The following TLR4 variants were observed in gnomAD, a reference collection of about 807,000 sequenced individuals.
The protein encoded by TLR4 is toll like receptor 4.
In TLR4, 17 loss-of-function variants were observed where a neutral mutation model predicts 27.4. The observed-to-expected ratio is 0.62, with a 90% confidence interval of 0.42 to 0.93. The LOEUF (loss-of-function observed/expected upper bound fraction) is 0.93, where lower values mean the gene tolerates loss of function less well. Among genes scored for constraint, TLR4 ranks in the 40% least tolerant of loss-of-function variants. TLR4 has a pLI of 0.00. For synonymous variants in TLR4, 363 were observed against 365.7 expected, an observed-to-expected ratio of 0.99 and a Z score of 0.08; for missense variants, 926 against 962.3, an observed-to-expected ratio of 0.96 and a Z score of 0.50.
rs1004437933 is a variant in TLR4, at chr9:117,722,219, A to G, written c.*7571A>G. 3.9e-5 allele frequency: 6 copies of G among 152,214 alleles called. No individual in the cohort carries two copies. Among genetic ancestry groups the G allele is most frequent in the Non-Finnish European group, 7.3e-5 (5 of 68,044 alleles). 9.4% of individuals were successfully genotyped at this position (152,214 alleles called of 1,614,324 possible). On this transcript the variant is annotated 3_prime_UTR_variant, in exon 3 of 3. Coordinates refer to ENST00000355622, the MANE Select transcript of TLR4 (RefSeq NM_138554.5). The stretch of plus-strand genomic sequence containing the variant: ...AAGTATTCATCTTGCCTTGAGTACT[A>G]AGATTCCAAAAATGACTTTCCCCTC...
chr9:117,714,034 G>T lies in TLR4; in HGVS notation c.1906G>T (p.Val636Leu). The T allele has an allele frequency of 6.2e-7, 1 of 1,613,948 alleles. No individual in the cohort carries two copies. The highest frequency in any genetic ancestry group is 1.1e-5 in the South Asian group (1 of 91,066). Residue 636 changes from valine to leucine, a missense_variant, in exon 3 of 3, where the codon GTG becomes TTG. Coordinates refer to ENST00000355622, the MANE Select transcript of TLR4 (RefSeq NM_138554.5). ...TCAGATGAATAAGACCATCATTGGT[G>T]TGTCGGTCCTCAGTGTGCTTGTAGT... ...TCQMNKTIIGVSVLSVLVVSV... is the reference protein window; with the variant it reads ...TCQMNKTIIGLSVLSVLVVSV...
chr9:117,712,479 A>G lies in TLR4; in HGVS notation c.351A>G (p.Leu117=), dbSNP rs572484616. 6.2e-7 allele frequency: 1 copy of G among 1,613,892 alleles called. No homozygotes were observed. The highest frequency in any genetic ancestry group is 2.2e-5 in the East Asian group (1 of 44,862). The change falls in exon 3 of 3, where the codon TTA becomes TTG. Residue 117 remains leucine, a synonymous_variant. Transcript: ENST00000355622. The part of the protein sequence containing the change: ...LILTGNPIQS[L]ALGAFSGLSS... ...TGACAGGAAACCCCATCCAGAGTTT[A>G]GCCCTGGGAGCCTTTTCTGGACTAT...
Position 117,720,987 on chromosome 9 carries a change from TAA to T in TLR4, c.*6345_*6346del. ...GAGACACTATATAAAAATATAGAGT[TAA>T]AAAAACTATTTAAAAAAAAGACAAC... On this transcript the variant is annotated 3_prime_UTR_variant, in exon 3 of 3. Coordinates refer to ENST00000355622, the MANE Select transcript of TLR4 (RefSeq NM_138554.5). 1 of 152,282 alleles carries T rather than the reference TAA, an allele frequency of 6.6e-6. No individual in the cohort carries two copies. The highest frequency in any genetic ancestry group is 3.4e-3 in the Middle Eastern group (1 of 294). The allele number at this position is 152,282 out of a possible 1,614,324, so 9.4% of individuals were successfully genotyped here.
At position 117,713,795 on chromosome 9, in the gene TLR4, T is replaced by C; in HGVS notation, c.1667T>C (p.Ile556Thr). Residue 556 changes from isoleucine (I) to threonine (T), a missense_variant, in exon 3 of 3, where the codon ATA becomes ACA. Coordinates refer to ENST00000355622, the MANE Select transcript of TLR4 (RefSeq NM_138554.5). ...GTTCTTGATTACAGTCTCAATCACA[T>C]AATGACTTCCAAAAAACAGGAACTA... ...LQVLDYSLNH[I>T]MTSKKQELQH... 6.2e-7 allele frequency: 1 copy of C among 1,614,002 alleles called. No homozygotes were observed. The highest frequency in any genetic ancestry group is 8.5e-7 in the Non-Finnish European group (1 of 1,179,988).
chr9:117,707,859 T>C (rs1829161095), intron 1 of TLR4: 1 of 152,266 alleles, frequency 6.6e-6, no homozygotes, highest in African/African-American at 2.4e-5. Context: ...CCCAATGATA[T>C]GGAGTATTTA....
chr9:117,711,396 T>C (rs1829228879), intron 2 of TLR4, among the ~76,000 whole-genome samples: 1 of 152,232 alleles, frequency 6.6e-6, no homozygotes, highest in African/African-American at 2.4e-5. Flanking sequence ...TGCTGTTTGC[T>C]GGCTGCATCA....
At chr9:117,705,333 G>A (rs977236476) in intron 1 of TLR4, among the ~76,000 whole-genome samples, 1 of 152,138 alleles carries the variant, frequency 6.6e-6, no homozygotes, top group African/African-American at 2.4e-5. Context: ...GTGAGGCAGG[G>A]TCAGAAACTC....
intron 1 of TLR4, among the ~76,000 whole-genome samples, chr9:117,707,488 T>A (rs1423373035): frequency 6.6e-6 from 1 of 152,214 alleles, no homozygotes; most frequent in East Asian, 1.9e-4. Flanking sequence ...ACACCTTATC[T>A]CATTTAATCC....
Position 117,714,947 on chromosome 9 carries a change from CAGAAAG to C in TLR4, c.*303_*308del. 1 of 428,086 alleles carries C rather than the reference CAGAAAG, an allele frequency of 2.3e-6. No individual in the cohort carries two copies. 26.5% of individuals were successfully genotyped at this position (428,086 alleles called of 1,614,324 possible). A position where few individuals can be genotyped will look rare whatever the true frequency, so the allele number is the denominator to read the frequency against. ...TCAAGTTGAATAAAGACAGAGAAAA[CAGAAAG>C]AGACATTGTTCTTTTCCTGAGTCTT... On this transcript the variant is annotated 3_prime_UTR_variant, in exon 3 of 3. Transcript: ENST00000355622.
rs1211916344 is a variant in TLR4, at chr9:117,713,848, T to C, written c.1720T>C (p.Leu574=). ...GCATTTTCCAAGTAGTCTAGCTTTC[T>C]TAAATCTTACTCAGAATGACTTTGC... is the stretch of plus-strand genomic sequence containing the variant. ...LQHFPSSLAF[L]NLTQNDFACT... is the part of the protein sequence containing the mutation. Residue 574 remains leucine (L), a synonymous_variant, in exon 3 of 3, where the codon TTA becomes CTA. Coordinates refer to ENST00000355622, the MANE Select transcript of TLR4 (RefSeq NM_138554.5). 1 of 1,613,960 alleles carries C rather than the reference T, an allele frequency of 6.2e-7. No homozygotes were observed. The highest frequency in any genetic ancestry group is 8.5e-7 in the Non-Finnish European group (1 of 1,180,022).
chr9:117,708,989 A>G, intron 2 of TLR4: 1 of 426,948 alleles, frequency 2.3e-6, no homozygotes, highest in Non-Finnish European at 4.3e-6. Flanking sequence ...TTAAGACAGG[A>G]GAGAAAATTA....
chr9:117,715,035 C>T lies in TLR4; in HGVS notation c.*387C>T, dbSNP rs1457153856. On this transcript the variant is annotated 3_prime_UTR_variant, in exon 3 of 3. Transcript: ENST00000355622. ...CATAAAACCATTTTGGTAGTTTTGA[C>T]TGAACTGGGTGTTCACTTTTTCCTT... is the stretch of plus-strand genomic sequence containing the variant. The T allele has an allele frequency of 4.3e-6, 1 of 233,556 alleles. No individual in the cohort carries two copies. Among genetic ancestry groups the T allele is most frequent in the Non-Finnish European group, 8.6e-6 (1 of 116,418 alleles). 14.5% of individuals were successfully genotyped at this position (233,556 alleles called of 1,614,324 possible). A position where few individuals can be genotyped will look rare whatever the true frequency, so the allele number is the denominator to read the frequency against.
rs1829402583 is a variant in TLR4 at position 117,719,821 on chromosome 9, CAAAGT to C, written c.*5177_*5181del. On this transcript the variant is annotated 3_prime_UTR_variant, in exon 3 of 3. Transcript: ENST00000355622. ...ATGGAGATCACCGAACTTTTCAACT[CAAAGT>C]AAAATCTGTGGAGTAAATGGTCGAT... 6.6e-6 allele frequency: 1 copy of C among 152,158 alleles called. No individual in the cohort carries two copies. Among genetic ancestry groups the C allele is most frequent in the Non-Finnish European group, 1.5e-5 (1 of 68,044 alleles). The allele number at this position is 152,158 out of a possible 1,614,324, so 9.4% of individuals were successfully genotyped here. A position where few individuals can be genotyped will look rare whatever the true frequency, so the allele number is the denominator to read the frequency against.
rs549011929 is a variant in TLR4, at chr9:117,719,792, C to G, written c.*5144C>G. 1 of 152,102 alleles carries G rather than the reference C, an allele frequency of 6.6e-6. No homozygotes were observed. The highest frequency in any genetic ancestry group is 2.4e-5 in the African/African-American group (1 of 41,410). The allele number at this position is 152,102 out of a possible 1,614,324, so 9.4% of individuals were successfully genotyped here. A position where few individuals can be genotyped will look rare whatever the true frequency, so the allele number is the denominator to read the frequency against. ...GAATAAGATCACACACTCTGGCTGC[C>G]CTTATGGAGATCACCGAACTTTTCA... On this transcript the variant is annotated 3_prime_UTR_variant, in exon 3 of 3. Coordinates refer to ENST00000355622, the MANE Select transcript of TLR4 (RefSeq NM_138554.5).
rs1483584863 is a variant in TLR4, at chr9:117,704,464, G to A, written c.-9G>A. 1 of 1,611,944 alleles carries A rather than the reference G, an allele frequency of 6.2e-7. No homozygotes were observed. Among genetic ancestry groups the A allele is most frequent in the Non-Finnish European group, 8.5e-7 (1 of 1,179,700 alleles). The stretch of plus-strand genomic sequence containing the variant: ...TGCTGCTCACAGAAGCAGTGAGGAT[G>A]ATGCCAGGATGATGTCTGCCTCGCG... On this transcript the variant is annotated 5_prime_UTR_variant, in exon 1 of 3. The change abolishes an upstream ATG in the 5' untranslated region. Coordinates refer to ENST00000355622, the MANE Select transcript of TLR4 (RefSeq NM_138554.5).
rs1829292146 is a variant in TLR4, at chr9:117,713,968, G to T, written c.1840G>T (p.Asp614Tyr). The T allele has an allele frequency of 6.2e-7, 1 of 1,613,904 alleles. No homozygotes were observed. The highest frequency in any genetic ancestry group is 8.5e-7 in the Non-Finnish European group (1 of 1,180,012). ...VERMECATPS[D>Y]KQGMPVLSLN... ...ACGAATGGAATGTGCAACACCTTCA[G>T]ATAAGCAGGGCATGCCTGTGCTGAG... Residue 614 changes from aspartate to tyrosine, a missense_variant, in exon 3 of 3, where the codon GAT becomes TAT. Physicochemically the swap from Asp to Tyr is radical, Grantham distance 160. Transcript: ENST00000355622.
Position 117,718,503 on chromosome 9 carries a change from A to C in TLR4, c.*3855A>C, listed in dbSNP as rs999459633. 6.6e-6 allele frequency: 1 copy of C among 151,966 alleles called. No homozygotes were observed. The highest frequency in any genetic ancestry group is 1.5e-5 in the Non-Finnish European group (1 of 67,966). The allele number at this position is 151,966 out of a possible 1,614,324, so 9.4% of individuals were successfully genotyped here. On this transcript the variant is annotated 3_prime_UTR_variant, in exon 3 of 3. Coordinates refer to ENST00000355622, the MANE Select transcript of TLR4 (RefSeq NM_138554.5). Reference sequence around the variant, plus strand: ...GAAAATCTGGACATAGAATAAAAAGAGGAGAGAAAGACACCGAGAATGAGC... The same window carrying C: ...GAAAATCTGGACATAGAATAAAAAGCGGAGAGAAAGACACCGAGAATGAGC...
In TLR4 at chr9:117,712,504, T is replaced by C; in HGVS notation, c.376T>C (p.Ser126Pro). The C allele has an allele frequency of 1.2e-6, 2 of 1,614,012 alleles. No homozygotes were observed. Among genetic ancestry groups the C allele is most frequent in the Non-Finnish European group, 1.7e-6 (2 of 1,179,944 alleles). The change falls in exon 3 of 3, where the codon TCA becomes CCA. Residue 126 changes from serine to proline, a missense_variant. By Grantham distance (74) the Ser-to-Pro change is moderately conservative (BLOSUM62 -1). Coordinates refer to ENST00000355622, the MANE Select transcript of TLR4 (RefSeq NM_138554.5). ...AGCCCTGGGAGCCTTTTCTGGACTATCAAGTTTACAGAAGCTGGTGGCTGT... is the reference window on the plus strand; with the variant it reads ...AGCCCTGGGAGCCTTTTCTGGACTACCAAGTTTACAGAAGCTGGTGGCTGT... ...SLALGAFSGL[S>P]SLQKLVAVET...
At chr9:117,708,240 G>T in intron 1 of TLR4, 1 of 1,111,916 alleles carries the variant, frequency 9.0e-7, no homozygotes, top group South Asian at 2.6e-5. Context: ...ATGAAACCCA[G>T]AGCTTTCAGA....
Sources: gnomAD v4.1 joint callset for allele counts (sites outside exome capture counted in the v4.1 genomes callset) on GRCh38, gnomAD v4.1.1 for gene constraint, MANE v1.5 for transcripts, NCBI Gene and HGNC (gene_info 2026-07-23, HGNC 2026-07-21) for gene names.